Variants in FAM178B observed in about 807,000 individuals in gnomAD.
FAM178B encodes protein FAM178B.
FAM178B carries 82 observed loss-of-function variants against 91.7 expected under a neutral mutation model. The observed-to-expected ratio is 0.89, with a 90% confidence interval of 0.75 to 1.07. FAM178B has a LOEUF of 1.07. Among genes scored for constraint, FAM178B ranks in the 50% least tolerant of loss-of-function variants. The pLI is 0.00. For missense variants in FAM178B, 769 were observed against 846.7 expected (o/e 0.91, Z 1.14); for synonymous variants, 368 against 359.4 (o/e 1.02, Z -0.27).
In FAM178B at chr2:96,967,567, G is replaced by A. The variant is rs1487903417; in HGVS notation, c.687C>T (p.Asn229=). ...RLLLQECLNL[N]SLDLDEEEVP... ...CTTCCTCTTCATCAAGATCCAAGGA[G>A]TTGAGATTGAGACACTCCTGCAGAA... is the stretch of plus-strand genomic sequence containing the variant. The change falls in exon 5 of 17, where the codon AAC becomes AAT. Residue 229 remains asparagine (N), a synonymous_variant. Coordinates refer to ENST00000490605, the MANE Select transcript of FAM178B (RefSeq NM_001122646.3). 1.9e-6 allele frequency: 3 copies of A among 1,550,632 alleles called. No homozygotes were observed. The highest frequency in any genetic ancestry group is 1.4e-5 in the African/African-American group (1 of 73,052).
chr2:96,901,757 A>C (rs532905436), intron 13 of FAM178B, among the ~76,000 whole-genome samples: 24 of 152,232 alleles, frequency 1.6e-4, no homozygotes, highest in African/African-American at 5.3e-4. Context: ...GAATGAACTT[A>C]AGGTCCCTGA....
intron 1 of FAM178B, among the ~76,000 whole-genome samples, chr2:96,982,456 T>C (rs1006633341): frequency 6.6e-6 from 1 of 151,306 alleles, no homozygotes; most frequent in Non-Finnish European, 1.5e-5. Flanking sequence ...AGAGATGGAG[T>C]TTCACCATAT....
chr2:96,940,286 G>T (rs1449459780), intron 8 of FAM178B, among the ~76,000 whole-genome samples: 1 of 152,108 alleles, frequency 6.6e-6, no homozygotes, highest in Non-Finnish European at 1.5e-5. Flanking sequence ...CACACATATG[G>T]GCAGCTGCTG....
intron 14 of FAM178B, among the ~76,000 whole-genome samples, chr2:96,889,863 T>C (rs2153368170): frequency 6.6e-6 from 1 of 150,700 alleles, no homozygotes; most frequent in African/African-American, 2.4e-5. Context: ...TTGGGGCCCG[T>C]TGAGATGGCT....
chr2:96,919,219 G>A (rs2081292662), intron 12 of FAM178B, among the ~76,000 whole-genome samples: 1 of 152,200 alleles, frequency 6.6e-6, no homozygotes, highest in Admixed American at 6.5e-5. Context: ...GTGTGTATGT[G>A]TGAGAAAAAC....
chr2:96,935,258 T>TAGGC (rs1354799797), intron 8 of FAM178B, among the ~76,000 whole-genome samples: 1 of 152,170 alleles, frequency 6.6e-6, no homozygotes, highest in African/African-American at 2.4e-5. Flanking sequence ...AGTCTGCAAG[T>TAGGC]AGGCAGGTCA....
chr2:96,906,739 C>T (rs550903412), intron 12 of FAM178B, among the ~76,000 whole-genome samples: 1 of 152,370 alleles, frequency 6.6e-6, no homozygotes, highest in East Asian at 1.9e-4. Context: ...CTCCCCCACG[C>T]ACAGGCCTTC....
intron 14 of FAM178B, among the ~76,000 whole-genome samples, chr2:96,885,889 G>C (rs576155207): frequency 6.6e-6 from 1 of 152,218 alleles, no homozygotes. Context: ...GTATACATCA[G>C]TGCATATGTG....
chr2:96,932,008 G>C (rs1212439825), intron 8 of FAM178B, among the ~76,000 whole-genome samples: 2 of 152,174 alleles, frequency 1.3e-5, no homozygotes, highest in African/African-American at 2.4e-5. Context: ...AGGGCCTTCA[G>C]GGGACTGTGC....
intron 5 of FAM178B, among the ~76,000 whole-genome samples, chr2:96,962,778 C>T (rs911771966): frequency 6.6e-6 from 1 of 152,220 alleles, no homozygotes; most frequent in African/African-American, 2.4e-5. Context: ...TGCACAGATG[C>T]TTGCTCGGGA....
chr2:96,893,193 G>A (rs182614571), intron 14 of FAM178B, among the ~76,000 whole-genome samples: 21 of 152,040 alleles, frequency 1.4e-4, no homozygotes, highest in African/African-American at 4.8e-4. Context: ...CTTCATTCCC[G>A]AGTCCCCAGG....
intron 8 of FAM178B, among the ~76,000 whole-genome samples, chr2:96,943,724 C>T (rs1330258913): frequency 6.6e-6 from 1 of 151,728 alleles, no homozygotes. Flanking sequence ...CCTTCAAGAC[C>T]TCGTCTTATT....
At chr2:96,965,287 A>T (rs879175245) in intron 5 of FAM178B, among the ~76,000 whole-genome samples, 1 of 151,790 alleles carries the variant, frequency 6.6e-6, no homozygotes, top group Admixed American at 6.6e-5. Context: ...GGATTACAAG[A>T]TGAGAGCCAC....
chr2:96,941,422 A>C (rs1337599136), intron 8 of FAM178B, among the ~76,000 whole-genome samples: 1 of 152,192 alleles, frequency 6.6e-6, no homozygotes, highest in Non-Finnish European at 1.5e-5. Flanking sequence ...GGGAGAGATG[A>C]AGGAAAGAGA....
chr2:96,892,646 C>A (rs1002505284), intron 14 of FAM178B, among the ~76,000 whole-genome samples: 2 of 152,192 alleles, frequency 1.3e-5, no homozygotes, highest in East Asian at 3.8e-4. Context: ...AGGAATCACA[C>A]CTCTGCTAGG....
intron 7 of FAM178B, among the ~76,000 whole-genome samples, chr2:96,950,733 G>A (rs2081911033): frequency 1.3e-5 from 2 of 152,202 alleles, no homozygotes; most frequent in African/African-American, 4.8e-5. Flanking sequence ...TGGGCAAAAT[G>A]TATGTTCCCC....
intron 5 of FAM178B, among the ~76,000 whole-genome samples, chr2:96,963,485 G>A (rs996099387): frequency 1.3e-5 from 2 of 152,200 alleles, no homozygotes; most frequent in Non-Finnish European, 2.9e-5. Flanking sequence ...AGCAGCACCT[G>A]CCTCGTGGGA....
At chr2:96,945,581 G>A (rs993862017) in intron 8 of FAM178B, among the ~76,000 whole-genome samples, 2 of 152,096 alleles carry the variant, frequency 1.3e-5, no homozygotes, top group Non-Finnish European at 2.9e-5. Context: ...TCATAGATAC[G>A]GGTGAAGGGA....
intron 5 of FAM178B, among the ~76,000 whole-genome samples, chr2:96,966,963 G>A (rs1390218270): frequency 6.6e-6 from 1 of 152,160 alleles, no homozygotes; most frequent in African/African-American, 2.4e-5. Context: ...ACCAGTCTAT[G>A]GCCCTTTGTT....
Sources: gnomAD v4.1 joint callset for allele counts (sites outside exome capture counted in the v4.1 genomes callset) on GRCh38, gnomAD v4.1.1 for gene constraint, MANE v1.5 for transcripts, NCBI Gene and HGNC (gene_info 2026-07-23, HGNC 2026-07-21) for gene names.